Variants in TMEM120B observed in about 807,000 individuals in gnomAD.
TMEM120B encodes transmembrane protein 120B.
TMEM120B carries 31 observed loss-of-function variants against 55.5 expected under a neutral mutation model. The observed-to-expected ratio is 0.56, with a 90% CI of 0.42 to 0.75. The LOEUF (loss-of-function observed/expected upper bound fraction) is 0.75. Among genes scored for constraint, TMEM120B ranks in the 30% least tolerant of loss-of-function variants. The probability of loss-of-function intolerance (pLI) is 0.00; values close to 1 mark genes in which losing one functional copy is unlikely to be tolerated. For missense variants in TMEM120B, 399 were observed against 425.5 expected, an observed-to-expected ratio of 0.94 and a Z score of 0.55; for synonymous variants, 203 against 176.3, an observed-to-expected ratio of 1.15 and a Z score of -1.20.
rs1042424324 is a variant in TMEM120B at position 121,778,346 on chromosome 12, G to A, written c.*2624G>A. 6.6e-6 allele frequency: 1 copy of A among 151,874 alleles called. No homozygotes were observed. Among genetic ancestry groups the A allele is most frequent in the Non-Finnish European group, 1.5e-5 (1 of 68,116 alleles). 9.4% of individuals were successfully genotyped at this position (151,874 alleles called of 1,614,324 possible). ...TGCGCATGTAGTCCCAGCTACTCAG[G>A]AGGCTGAGGCAAGAGAATCGCTTGA... On this transcript the variant is annotated 3_prime_UTR_variant, in exon 12 of 12. Transcript: ENST00000449592.
chr12:121,726,504 GGGA>G (rs1351561747), intron 1 of TMEM120B, among the ~76,000 whole-genome samples: 1 of 151,486 alleles, frequency 6.6e-6, no homozygotes, highest in Non-Finnish European at 1.5e-5. Context: ...GCATGAACCT[GGGA>G]GGCGGAGCTT....
At chr12:121,771,751 G>T (rs1874060958) in intron 8 of TMEM120B, among the ~76,000 whole-genome samples, 1 of 152,096 alleles carries the variant, frequency 6.6e-6, no homozygotes, top group Non-Finnish European at 1.5e-5. Flanking sequence ...AGCACTGCCT[G>T]CTCCTTCCCC....
intron 5 of TMEM120B, 64 bp downstream of exon 5, chr12:121,752,287 G>C: frequency 7.0e-7 from 1 of 1,432,040 alleles, no homozygotes; most frequent in Non-Finnish European, 9.8e-7. Context: ...GGCCGGGAGA[G>C]AGGGATCCAG....
intron 1 of TMEM120B, among the ~76,000 whole-genome samples, chr12:121,727,842 C>G (rs1894924936): frequency 7.3e-6 from 1 of 137,854 alleles, no homozygotes; most frequent in African/African-American, 2.6e-5. Flanking sequence ...CCACTGCACT[C>G]CAGCCTGGGC....
In TMEM120B at chr12:121,779,820, G is replaced by A; in HGVS notation, c.*4098G>A. 1.3e-6 allele frequency: 1 copy of A among 756,144 alleles called. No individual in the cohort carries two copies. Among genetic ancestry groups the A allele is most frequent in the South Asian group, 1.8e-5 (1 of 56,184 alleles). The allele number at this position is 756,144 out of a possible 1,614,324, so 46.8% of individuals were successfully genotyped here. A position where few individuals can be genotyped will look rare whatever the true frequency, so the allele number is the denominator to read the frequency against. On this transcript the variant is annotated 3_prime_UTR_variant, in exon 12 of 12. Transcript: ENST00000449592. ...ATCCTGGCTGCCCCTCACAGTGTGT[G>A]GGTGGAATGGAGGGCCAGGGCAGTG...
intron 1 of TMEM120B, among the ~76,000 whole-genome samples, chr12:121,718,606 G>C (rs1314731635): frequency 6.6e-6 from 1 of 152,182 alleles, no homozygotes; most frequent in Non-Finnish European, 1.5e-5. Context: ...CATGGAGCCA[G>C]AATTCGAACC....
intron 5 of TMEM120B, among the ~76,000 whole-genome samples, chr12:121,761,428 C>T (rs988222488): frequency 6.6e-6 from 1 of 152,152 alleles, no homozygotes; most frequent in African/African-American, 2.4e-5. Flanking sequence ...GCAGGTGGGA[C>T]TCAGGGAGAA....
At chr12:121,723,622 A>T (rs1256755569) in intron 1 of TMEM120B, among the ~76,000 whole-genome samples, 1 of 152,076 alleles carries the variant, frequency 6.6e-6, no homozygotes, top group Non-Finnish European at 1.5e-5. Flanking sequence ...CATTGACTAA[A>T]CTCAACTGGA....
At chr12:121,739,360 TTGAG>T (rs1466123250) in intron 1 of TMEM120B, among the ~76,000 whole-genome samples, 1 of 152,076 alleles carries the variant, frequency 6.6e-6, no homozygotes, top group Non-Finnish European at 1.5e-5. Context: ...AAATTTGAAT[TTGAG>T]TGGTATATGA....
intron 1 of TMEM120B, among the ~76,000 whole-genome samples, chr12:121,737,871 A>G (rs1292675492): frequency 1.3e-5 from 2 of 151,724 alleles, no homozygotes; most frequent in African/African-American, 2.4e-5. Flanking sequence ...TTAGTTGGAC[A>G]TGGTGGTGCA....
At position 121,743,662 on chromosome 12, in the gene TMEM120B, G is replaced by A; in HGVS notation, c.103G>A (p.Glu35Lys). The change falls in exon 2 of 12, where the codon GAG (glutamate) becomes AAG (lysine). Residue 35 changes from glutamate to lysine, a missense_variant. By Grantham distance (56) the Glu-to-Lys change is moderately conservative. Transcript: ENST00000449592. The stretch of plus-strand genomic sequence containing the variant: ...CAGGATCTACAAGCAGAAGCTGGAG[G>A]AGCTGGCTGCGCTGCAGACGCTGTG... Reference protein sequence around the residue: ...THRIYKQKLEELAALQTLCSS... With the variant: ...THRIYKQKLEKLAALQTLCSS... 4 of 1,613,684 alleles carry A rather than the reference G, an allele frequency of 2.5e-6. No individual in the cohort carries two copies. The East Asian group carries it at 6.7e-5, about 27-fold the overall frequency.
Position 121,773,475 on chromosome 12 carries a change from G to C in TMEM120B, c.734G>C (p.Arg245Pro). 6.2e-7 allele frequency: 1 copy of C among 1,606,688 alleles called. No homozygotes were observed. The highest frequency in any genetic ancestry group is 8.5e-7 in the Non-Finnish European group (1 of 1,176,328). The change falls in exon 9 of 12, where the codon CGG (arginine) becomes CCG (proline). Residue 245 changes from arginine to proline, a missense_variant. Arg to Pro is a moderately radical substitution (Grantham distance 103). Around this residue, in one of 3 missense-constraint regions of TMEM120B, gnomAD observed 260 missense variants for 303.9 expected, o/e 0.86. Transcript: ENST00000449592. The stretch of plus-strand genomic sequence containing the variant: ...CAGAGGGGCTGCCTCTACCGGCTGC[G>C]GGCCCTGGGGGAGAGGAACCACCTG... The part of the protein sequence containing the change: ...YYQRGCLYRL[R>P]ALGERNHLDL...
rs1187608244 is a variant in TMEM120B at position 121,779,597 on chromosome 12, C to T, written c.*3875C>T. 6.2e-7 allele frequency: 1 copy of T among 1,614,242 alleles called. No individual in the cohort carries two copies. The highest frequency in any genetic ancestry group is 8.5e-7 in the Non-Finnish European group (1 of 1,180,036). ...CCTCCCGGAAGACGTCCTCCACATT[C>T]TCCCGAAACTTGGCGGAACATTCCA... On this transcript the variant is annotated 3_prime_UTR_variant, in exon 12 of 12. Coordinates refer to ENST00000449592, the MANE Select transcript of TMEM120B (RefSeq NM_001080825.2).
At chr12:121,765,691 C>T (rs138824970) in intron 6 of TMEM120B, among the ~76,000 whole-genome samples, 173 of 152,276 alleles carry the variant, frequency 1.1e-3, no homozygotes, top group African/African-American at 3.9e-3. Flanking sequence ...GCCAGCTTGT[C>T]GGGGAGGGAG....
chr12:121,728,162 G>A (rs904100908), intron 1 of TMEM120B, among the ~76,000 whole-genome samples: 6 of 151,534 alleles, frequency 4.0e-5, no homozygotes, highest in Admixed American at 3.3e-4. Context: ...TGCCTGCCAG[G>A]ACGCTTGGCG....
Position 121,774,639 on chromosome 12 carries a change from T to C in TMEM120B, c.773-19T>C. The C allele has an allele frequency of 6.2e-7, 1 of 1,612,902 alleles. No individual in the cohort carries two copies. The highest frequency in any genetic ancestry group is 8.5e-7 in the Non-Finnish European group (1 of 1,179,268). On this transcript the variant is annotated intron_variant, in intron 9 of 11. Transcript: ENST00000449592. ...GCGGACCCCCTCAGCGGGTCCTTTT[T>C]CTTCCCTCCTCTCCACAGAAGGGTT...
intron 6 of TMEM120B, among the ~76,000 whole-genome samples, chr12:121,769,892 G>A (rs1873980012): frequency 6.6e-6 from 1 of 152,158 alleles, no homozygotes; most frequent in Non-Finnish European, 1.5e-5. Context: ...GCACGTAATT[G>A]CAGACAGTGA....
chr12:121,732,552 T>G (rs1222749907), intron 1 of TMEM120B, among the ~76,000 whole-genome samples: 1 of 152,042 alleles, frequency 6.6e-6, no homozygotes, highest in Non-Finnish European at 1.5e-5. Context: ...AGTGGAACAT[T>G]AGAAAAGTAC....
At chr12:121,755,543 A>G (rs1873453005) in intron 5 of TMEM120B, among the ~76,000 whole-genome samples, 1 of 151,908 alleles carries the variant, frequency 6.6e-6, no homozygotes, top group South Asian at 2.1e-4. Flanking sequence ...TTGGGTTTGG[A>G]CCTCACTCCA....
Sources: gnomAD v4.1 joint callset for allele counts (sites outside exome capture counted in the v4.1 genomes callset) on GRCh38, gnomAD v4.1.1 for gene constraint, gnomAD v4.1.1 regional missense constraint, MANE v1.5 for transcripts, NCBI Gene and HGNC (gene_info 2026-07-23, HGNC 2026-07-21) for gene names.